The following RIC1 variants were observed in gnomAD, a reference collection of about 807,000 sequenced individuals.
RIC1 encodes guanine nucleotide exchange factor subunit RIC1.
RIC1 carries 88 observed loss-of-function variants against 169.0 expected under a neutral mutation model. The observed-to-expected ratio is 0.52, with a 90% CI of 0.44 to 0.62. RIC1 has a LOEUF of 0.62. RIC1 is among the 20% of genes least tolerant of loss of function. The probability of loss-of-function intolerance (pLI) is 0.00; values close to 1 mark genes in which losing one functional copy is unlikely to be tolerated. For missense variants in RIC1, 1,877 were observed against 1,725.5 expected (o/e 1.09, Z -1.56); for synonymous variants, 790 against 601.5 (o/e 1.31, Z -4.59).
chr9:5,678,565 T>A (rs1820600956), intron 2 of RIC1, among the ~76,000 whole-genome samples: 1 of 152,240 alleles, frequency 6.6e-6, no homozygotes, highest in African/African-American at 2.4e-5. Context: ...TGATATCTCA[T>A]AGTGGCTTTG....
rs147003898 is a variant in RIC1 at position 5,743,048 on chromosome 9, C to G, written c.1046+35C>G. ...AAAAGACAATTTTTAGATAAAATAA[C>G]TCCATTATTTCTCACAATGCATGCA... On this transcript the variant is annotated intron_variant, in intron 9 of 25. Coordinates refer to ENST00000414202, the MANE Select transcript of RIC1 (RefSeq NM_020829.4). 1.6e-4 allele frequency: 258 copies of G among 1,587,038 alleles called. 2 individuals are homozygous for G. In the African/African-American group the frequency reaches 3.1e-3, roughly 19 times the overall value.
chr9:5,762,434 A>G lies in RIC1; in HGVS notation c.1993-107A>G, dbSNP rs75965395. The G allele has an allele frequency of 0.014, 19,929 of 1,379,960 alleles. 1,904 individuals are homozygous for G. The African/African-American group carries it at 0.23, about 16-fold the overall frequency. 85.5% of individuals were successfully genotyped at this position (1,379,960 alleles called of 1,614,324 possible). On this transcript the variant is annotated intron_variant, in intron 17 of 25. Transcript: ENST00000414202. ...AATGGCTGTACATAGTACAACCTCA[A>G]TAAATAATGTAGATTGTTTGACCTA... is the stretch of plus-strand genomic sequence containing the variant.
chr9:5,709,587 C>T (rs1044803721), intron 3 of RIC1, among the ~76,000 whole-genome samples: 3 of 152,194 alleles, frequency 2.0e-5, no homozygotes, highest in Non-Finnish European at 2.9e-5. Context: ...AGTAAATGCT[C>T]TATTCCTATT....
intron 10 of RIC1, 122 bp from the exon 11 acceptor site, chr9:5,745,809 C>G: frequency 1.2e-6 from 1 of 807,288 alleles, no homozygotes; most frequent in African/African-American, 1.7e-5. Context: ...GTTTCTCCAA[C>G]CTTCACAAAT....
At chr9:5,747,526 T>C (rs1203161568) in intron 12 of RIC1, 21 bp downstream of exon 12, 2 of 1,568,200 alleles carry the variant, frequency 1.3e-6, no homozygotes, top group Non-Finnish European at 8.8e-7. Flanking sequence ...AGTTACTGAT[T>C]ACTAGAGACT....
At chr9:5,702,329 A>G (rs1390171985) in intron 3 of RIC1, among the ~76,000 whole-genome samples, 2 of 152,120 alleles carry the variant, frequency 1.3e-5, no homozygotes, top group Admixed American at 1.3e-4. Context: ...AGACTGGGTA[A>G]TTTATAAAGA....
intron 3 of RIC1, among the ~76,000 whole-genome samples, chr9:5,699,997 T>G (rs1586972882): frequency 6.6e-6 from 1 of 151,432 alleles, no homozygotes; most frequent in Admixed American, 6.6e-5. Context: ...GAAACTGCAT[T>G]AAGAAAAAAA....
At chr9:5,632,725 G>A (rs1817776634) in intron 1 of RIC1, among the ~76,000 whole-genome samples, 1 of 152,146 alleles carries the variant, frequency 6.6e-6, no homozygotes, top group African/African-American at 2.4e-5. Flanking sequence ...TGTTGCATAA[G>A]GTAGGTTATG....
chr9:5,643,250 A>C (rs187995192), intron 1 of RIC1, among the ~76,000 whole-genome samples: 1 of 152,330 alleles, frequency 6.6e-6, no homozygotes, highest in East Asian at 1.9e-4. Context: ...TTGATTCATA[A>C]ACACATGAAG....
intron 21 of RIC1, 127 bp downstream of exon 21, chr9:5,765,925 C>A: frequency 8.4e-7 from 1 of 1,193,902 alleles, no homozygotes; most frequent in Non-Finnish European, 1.2e-6. Context: ...TTTCCATTCC[C>A]AAAAAGCAGA....
intron 6 of RIC1, among the ~76,000 whole-genome samples, chr9:5,721,457 C>T (rs1017648540): frequency 6.6e-6 from 1 of 152,218 alleles, no homozygotes; most frequent in African/African-American, 2.4e-5. Context: ...CGCGTGCACA[C>T]ACACACGCTG....
At chr9:5,654,331 C>T (rs935528716) in intron 1 of RIC1, among the ~76,000 whole-genome samples, 3 of 152,150 alleles carry the variant, frequency 2.0e-5, no homozygotes, top group African/African-American at 7.2e-5. Flanking sequence ...ACTGCAGCCT[C>T]TGCCTCCCGG....
intron 2 of RIC1, among the ~76,000 whole-genome samples, chr9:5,688,758 A>G (rs960707773): frequency 6.6e-6 from 1 of 152,194 alleles, no homozygotes; most frequent in Admixed American, 6.5e-5. Flanking sequence ...AGAATTAGAA[A>G]GTAATTTGAA....
At chr9:5,702,367 G>A (rs539980265) in intron 3 of RIC1, among the ~76,000 whole-genome samples, 11 of 152,084 alleles carry the variant, frequency 7.2e-5, no homozygotes, top group Non-Finnish European at 1.5e-4. Flanking sequence ...TCACAGTTCC[G>A]CAGGCTATAC....
intron 2 of RIC1, among the ~76,000 whole-genome samples, chr9:5,666,688 A>AT (rs1365213736): frequency 4.6e-5 from 7 of 152,116 alleles, no homozygotes; most frequent in African/African-American, 1.7e-4. Flanking sequence ...TCATTGATTG[A>AT]TTTTCCTACA....
intron 7 of RIC1, 87 bp from the exon 8 acceptor site, chr9:5,738,363 C>A: frequency 2.3e-6 from 2 of 873,620 alleles, no homozygotes; most frequent in East Asian, 2.7e-5. Flanking sequence ...TTTACACTCC[C>A]ACCAGCAAAA....
chr9:5,633,331 C>A (rs1270910032), intron 1 of RIC1, among the ~76,000 whole-genome samples: 2 of 150,764 alleles, frequency 1.3e-5, no homozygotes, highest in East Asian at 3.8e-4. Context: ...TCCAGAGAGC[C>A]TTCTTTATAA....
chr9:5,683,861 A>T (rs527462073), intron 2 of RIC1, among the ~76,000 whole-genome samples: 32 of 151,230 alleles, frequency 2.1e-4, no homozygotes, highest in African/African-American at 7.0e-4. Context: ...CCCCTCCCCC[A>T]GCCTCGCTGC....
intron 9 of RIC1, 33 bp from the exon 10 acceptor site, chr9:5,743,656 G>A: frequency 6.5e-7 from 1 of 1,534,224 alleles, no homozygotes; most frequent in Non-Finnish European, 8.9e-7. Context: ...TAATTGGAAG[G>A]CTGTATTATA....
Sources: gnomAD v4.1 joint callset for allele counts (sites outside exome capture counted in the v4.1 genomes callset) on GRCh38, gnomAD v4.1.1 for gene constraint, MANE v1.5 for transcripts, NCBI Gene and HGNC (gene_info 2026-07-23, HGNC 2026-07-21) for gene names.